Variants in KCNQ3 observed in about 807,000 individuals in gnomAD.
KCNQ3 encodes potassium voltage-gated channel subfamily Q member 3.
In KCNQ3, 30 loss-of-function variants were observed where a neutral mutation model predicts 92.5. The observed-to-expected ratio is 0.32, with a 90% CI of 0.24 to 0.44. The LOEUF is 0.44. Ranked by LOEUF, KCNQ3 falls within the 20% of genes least tolerant of loss-of-function variation. The pLI, the probability that KCNQ3 is intolerant of heterozygous loss-of-function variation, is 1.00. For synonymous variants in KCNQ3, 450 were observed against 468.8 expected, an observed-to-expected ratio of 0.96 and a Z score of 0.52; for missense variants, 913 against 1,140.3, an observed-to-expected ratio of 0.80 and a Z score of 2.87.
rs1824624977 is a variant in KCNQ3 at position 132,125,203 on chromosome 8, C to T, written c.*4059G>A. The stretch of plus-strand genomic sequence containing the variant: ...TTCTCTGGAGCTATGAAGTTCAAAG[C>T]ATTGAATCCAAACTCGAAGTCCCCA... On this transcript the variant is annotated 3_prime_UTR_variant, in exon 15 of 15. Transcript: ENST00000388996. The T allele has an allele frequency of 6.6e-6, 1 of 152,166 alleles. No individual in the cohort carries two copies. Among genetic ancestry groups the T allele is most frequent in the Admixed American group, 6.5e-5 (1 of 15,270 alleles). 9.4% of individuals were successfully genotyped at this position (152,166 alleles called of 1,614,324 possible). A position where few individuals can be genotyped will look rare whatever the true frequency, so the allele number is the denominator to read the frequency against.
At chr8:132,461,429 G>T (rs529213278) in intron 1 of KCNQ3, among the ~76,000 whole-genome samples, 1 of 152,294 alleles carries the variant, frequency 6.6e-6, no homozygotes, top group Admixed American at 6.5e-5. Context: ...GCCGGGCGTG[G>T]TGGTGGGCAC....
chr8:132,232,798 T>C (rs545661104), intron 1 of KCNQ3, among the ~76,000 whole-genome samples: 40 of 152,330 alleles, frequency 2.6e-4, no homozygotes, highest in Admixed American at 6.5e-4. Flanking sequence ...CCTTGTGGAT[T>C]GGGGTGTTCG....
intron 1 of KCNQ3, among the ~76,000 whole-genome samples, chr8:132,344,859 C>T (rs1040695871): frequency 1.3e-5 from 2 of 152,078 alleles, no homozygotes; most frequent in African/African-American, 4.8e-5. Flanking sequence ...CGTGGGGCAA[C>T]TTACGAGCAG....
intron 1 of KCNQ3, among the ~76,000 whole-genome samples, chr8:132,243,892 T>A (rs1362816306): frequency 6.6e-6 from 1 of 152,222 alleles, no homozygotes; most frequent in Non-Finnish European, 1.5e-5. Flanking sequence ...GCTCTAGATA[T>A]TATCATTCTT....
At chr8:132,138,113 A>G (rs1201439656) in intron 11 of KCNQ3, 97 bp from the exon 12 acceptor site, 2 of 1,423,350 alleles carry the variant, frequency 1.4e-6, no homozygotes, top group East Asian at 4.6e-5. Context: ...GGAGAAAAGA[A>G]CCAAAGATAA....
chr8:132,420,840 A>G (rs1820946435), intron 1 of KCNQ3, among the ~76,000 whole-genome samples: 1 of 152,208 alleles, frequency 6.6e-6, no homozygotes, highest in South Asian at 2.1e-4. Flanking sequence ...AGCACTGCAC[A>G]GAGGGCCCCT....
At chr8:132,346,128 C>T (rs1342647477) in intron 1 of KCNQ3, among the ~76,000 whole-genome samples, 1 of 152,084 alleles carries the variant, frequency 6.6e-6, no homozygotes, top group East Asian at 1.9e-4. Context: ...TGGTGACAAT[C>T]ATGGTGATTG....
intron 1 of KCNQ3, among the ~76,000 whole-genome samples, chr8:132,335,599 GTCTCCTT>G (rs2130672049): frequency 6.6e-6 from 1 of 152,292 alleles, no homozygotes; most frequent in South Asian, 2.1e-4. Flanking sequence ...GGGATGTCAG[GTCTCCTT>G]TCTTTTCATT....
At chr8:132,443,894 C>T (rs538841205) in intron 1 of KCNQ3, among the ~76,000 whole-genome samples, 1 of 152,258 alleles carries the variant, frequency 6.6e-6, no homozygotes, top group Non-Finnish European at 1.5e-5. Context: ...ACTACTTTCA[C>T]ACAGCTAAGG....
intron 1 of KCNQ3, among the ~76,000 whole-genome samples, chr8:132,402,108 T>C (rs1280638135): frequency 6.6e-6 from 1 of 152,230 alleles, no homozygotes; most frequent in Admixed American, 6.5e-5. Flanking sequence ...GGAATGTTAA[T>C]TCTGGAGATA....
At chr8:132,282,335 C>T (rs574032817) in intron 1 of KCNQ3, among the ~76,000 whole-genome samples, 1 of 152,310 alleles carries the variant, frequency 6.6e-6, no homozygotes, top group East Asian at 1.9e-4. Flanking sequence ...TGAATTTTAA[C>T]AGGTGAGAAA....
chr8:132,377,210 G>A (rs1819634472), intron 1 of KCNQ3, among the ~76,000 whole-genome samples: 1 of 152,136 alleles, frequency 6.6e-6, no homozygotes, highest in African/African-American at 2.4e-5. Flanking sequence ...GGGCAAATTT[G>A]CTCTCTCTGC....
intron 5 of KCNQ3, 145 bp downstream of exon 5, chr8:132,175,308 A>T (rs1257902461): frequency 3.4e-6 from 3 of 872,202 alleles, no homozygotes; most frequent in Admixed American, 1.9e-5. Flanking sequence ...TTCTGTCAGC[A>T]GGTTCTGAGC....
At chr8:132,195,029 A>C (rs1827265137) in intron 1 of KCNQ3, among the ~76,000 whole-genome samples, 1 of 152,138 alleles carries the variant, frequency 6.6e-6, no homozygotes, top group Non-Finnish European at 1.5e-5. Context: ...GCCAAACCCC[A>C]CCAACATCAG....
intron 1 of KCNQ3, among the ~76,000 whole-genome samples, chr8:132,274,134 C>T (rs1446004697): frequency 2.0e-5 from 3 of 152,138 alleles, no homozygotes; most frequent in Admixed American, 6.5e-5. Context: ...CCCATTTTCA[C>T]GTTGCTGATA....
At chr8:132,418,596 G>A (rs751403282) in intron 1 of KCNQ3, among the ~76,000 whole-genome samples, 49 of 152,158 alleles carry the variant, frequency 3.2e-4, no homozygotes, top group Non-Finnish European at 8.8e-5. Flanking sequence ...GACCTGCCTG[G>A]ACAACATGAT....
chr8:132,301,935 A>C (rs1373349287), intron 1 of KCNQ3, among the ~76,000 whole-genome samples: 1 of 152,210 alleles, frequency 6.6e-6, no homozygotes, highest in Non-Finnish European at 1.5e-5. Context: ...AATAGCAAGC[A>C]GTAAATACTA....
intron 9 of KCNQ3, among the ~76,000 whole-genome samples, chr8:132,147,325 T>C (rs533150049): frequency 2.2e-4 from 29 of 129,680 alleles, no homozygotes; most frequent in Non-Finnish European, 3.8e-4. Flanking sequence ...ATCACATAGG[T>C]ACCCGTATTA....
chr8:132,354,658 A>C (rs1818968807), intron 1 of KCNQ3, among the ~76,000 whole-genome samples: 1 of 152,174 alleles, frequency 6.6e-6, no homozygotes, highest in Non-Finnish European at 1.5e-5. Context: ...AGCCAATGCT[A>C]CTTCTGATGG....
Sources: gnomAD v4.1 joint callset for allele counts (sites outside exome capture counted in the v4.1 genomes callset) on GRCh38, gnomAD v4.1.1 for gene constraint, MANE v1.5 for transcripts, NCBI Gene and HGNC (gene_info 2026-07-23, HGNC 2026-07-21) for gene names.